The following COX7B2 variants were observed in gnomAD, a reference collection of about 807,000 sequenced individuals.
The protein encoded by COX7B2 is cytochrome c oxidase subunit 7B2, mitochondrial.
For synonymous variants in COX7B2, 37 were observed against 32.1 expected (o/e 1.15, Z -0.51); for missense variants, 109 against 95.9 (o/e 1.14, Z -0.57).
intron 2 of COX7B2, among the ~76,000 whole-genome samples, chr4:46,771,232 C>G (rs907426668): frequency 2.6e-5 from 4 of 152,132 alleles, no homozygotes; most frequent in Non-Finnish European, 5.9e-5. Context: ...CACTAACTAT[C>G]AGAGAAATGC....
chr4:46,842,082 C>T (rs142849444), intron 2 of COX7B2, among the ~76,000 whole-genome samples: 1 of 151,958 alleles, frequency 6.6e-6, no homozygotes, highest in Non-Finnish European at 1.5e-5. Context: ...CATAAAGAAG[C>T]CTTCAAGTTC....
chr4:46,755,753 C>A (rs939479919), intron 2 of COX7B2, among the ~76,000 whole-genome samples: 1 of 151,814 alleles, frequency 6.6e-6, no homozygotes, highest in Non-Finnish European at 1.5e-5. Flanking sequence ...TGTATTTAAC[C>A]AAGGAGGTGA....
intron 1 of COX7B2, among the ~76,000 whole-genome samples, chr4:46,866,524 T>C (rs571224195): frequency 6.6e-6 from 1 of 152,284 alleles, no homozygotes; most frequent in South Asian, 2.1e-4. Flanking sequence ...TTGGTCACCA[T>C]TGCTCCTCTG....
chr4:46,746,401 T>G (rs1457020388), intron 2 of COX7B2, among the ~76,000 whole-genome samples: 1 of 152,070 alleles, frequency 6.6e-6, no homozygotes, highest in East Asian at 1.9e-4. Context: ...GTAGAACAGG[T>G]AAGGGACCTA....
intron 2 of COX7B2, among the ~76,000 whole-genome samples, chr4:46,775,387 G>A (rs1481928377): frequency 6.6e-6 from 1 of 151,990 alleles, no homozygotes; most frequent in East Asian, 1.9e-4. Context: ...CTGTATTTTA[G>A]GATGACTAAA....
chr4:46,801,893 G>C (rs767657065), intron 2 of COX7B2, among the ~76,000 whole-genome samples: 4 of 152,018 alleles, frequency 2.6e-5, no homozygotes, highest in Non-Finnish European at 4.4e-5. Flanking sequence ...TAATAGTGGG[G>C]GGAAAAAAGA....
intron 2 of COX7B2, among the ~76,000 whole-genome samples, chr4:46,742,510 C>G (rs1416570506): frequency 6.6e-6 from 1 of 152,092 alleles, no homozygotes; most frequent in African/African-American, 2.4e-5. Flanking sequence ...TATGGGAACT[C>G]TGAAAGAAGC....
At chr4:46,854,828 A>C (rs1377281120) in intron 1 of COX7B2, among the ~76,000 whole-genome samples, 1 of 152,184 alleles carries the variant, frequency 6.6e-6, no homozygotes, top group Non-Finnish European at 1.5e-5. Flanking sequence ...TAATGACTTG[A>C]AAAGAGTTAT....
rs543575371 is a variant in COX7B2, at chr4:46,788,733, T to C, written c.-49-53492A>G. Among the ~76,000 whole-genome samples the C allele has an allele frequency of 2.9e-4, 44 of 152,280 alleles. 1 individual carries two copies. Among genetic ancestry groups the C allele is most frequent in the African/African-American group, 9.6e-4 (40 of 41,560 alleles). On this transcript the variant is annotated intron_variant, in intron 2 of 2. Coordinates refer to ENST00000355591, the MANE Select transcript of COX7B2 (RefSeq NM_130902.3). ...AGGATAATGATCAAAGCAAAACTAA[T>C]AGTAAACTCACATTGTTCCAGATTA...
At chr4:46,864,502 T>C (rs1717526593) in intron 1 of COX7B2, among the ~76,000 whole-genome samples, 1 of 152,214 alleles carries the variant, frequency 6.6e-6, no homozygotes, top group Non-Finnish European at 1.5e-5. Context: ...AAATATTTTT[T>C]TGTGAAATGA....
chr4:46,879,363 G>A (rs1718559478), intron 1 of COX7B2, among the ~76,000 whole-genome samples: 1 of 151,564 alleles, frequency 6.6e-6, no homozygotes, highest in African/African-American at 2.4e-5. Flanking sequence ...TGTCACTCAG[G>A]TTGGAGTGCA....
intron 2 of COX7B2, among the ~76,000 whole-genome samples, chr4:46,836,404 C>G (rs948204484): frequency 1.3e-5 from 2 of 151,230 alleles, no homozygotes; most frequent in African/African-American, 4.8e-5. Flanking sequence ...TGCAAAAACA[C>G]ACATTGGCCT....
intron 2 of COX7B2, among the ~76,000 whole-genome samples, chr4:46,807,923 T>C (rs1004330570): frequency 9.9e-5 from 15 of 151,948 alleles, no homozygotes; most frequent in Non-Finnish European, 1.6e-4. Flanking sequence ...TTGATTGTTA[T>C]AGATTTGTAA....
intron 2 of COX7B2, among the ~76,000 whole-genome samples, chr4:46,804,291 G>T (rs185058724): frequency 6.6e-6 from 1 of 152,190 alleles, no homozygotes; most frequent in Non-Finnish European, 1.5e-5. Flanking sequence ...AAAGAACGAA[G>T]CTTCCACGGT....
chr4:46,736,632 T>C (rs1316610915), intron 2 of COX7B2, among the ~76,000 whole-genome samples: 1 of 152,168 alleles, frequency 6.6e-6, no homozygotes, highest in Admixed American at 6.6e-5. Flanking sequence ...TGTTTTGACT[T>C]ACTCCTGGCA....
chr4:46,818,382 C>T lies in COX7B2; in HGVS notation c.-50+26578G>A, dbSNP rs187986063. The stretch of plus-strand genomic sequence containing the variant: ...GGCGCCGTGGCTCACGCCTGTAAAC[C>T]CAGCACTTTGGGAGGCCGAGGCGGG... On this transcript the variant is annotated intron_variant, in intron 2 of 2. Coordinates refer to ENST00000355591, the MANE Select transcript of COX7B2 (RefSeq NM_130902.3). Among the ~76,000 whole-genome samples the T allele has an allele frequency of 3.9e-5, 6 of 152,222 alleles. No homozygotes were observed. The East Asian group carries it at 5.8e-4, about 15-fold the overall frequency.
At chr4:46,761,879 C>T (rs1716164647) in intron 2 of COX7B2, among the ~76,000 whole-genome samples, 1 of 151,742 alleles carries the variant, frequency 6.6e-6, no homozygotes, top group Admixed American at 6.6e-5. Flanking sequence ...ATTAAGGCAT[C>T]TTACTGAACT....
intron 1 of COX7B2, among the ~76,000 whole-genome samples, chr4:46,863,515 ATCT>A (rs1264326269): frequency 3.9e-5 from 6 of 152,220 alleles, no homozygotes; most frequent in African/African-American, 1.4e-4. Context: ...TTAAAGCAAG[ATCT>A]TCTTAAGATA....
At chr4:46,788,674 G>GTA (rs1323871216) in intron 2 of COX7B2, among the ~76,000 whole-genome samples, 1 of 151,996 alleles carries the variant, frequency 6.6e-6, no homozygotes, top group Non-Finnish European at 1.5e-5. Context: ...TTATGTATTT[G>GTA]TATATATAAC....
Sources: gnomAD v4.1 joint callset for allele counts (sites outside exome capture counted in the v4.1 genomes callset) on GRCh38, gnomAD v4.1.1 for gene constraint, MANE v1.5 for transcripts, NCBI Gene and HGNC (gene_info 2026-07-23, HGNC 2026-07-21) for gene names.